Variants in ZSWIM6 observed in about 807,000 individuals in gnomAD.
ZSWIM6 encodes the protein zinc finger SWIM-type containing 6, also known as zinc finger SWIM domain-containing protein 6.
Under a neutral mutation model 113.2 loss-of-function variants are expected in ZSWIM6, and 9 were observed. The ratio of observed to expected loss-of-function variants is 0.08; its 90% CI spans 0.05 to 0.14. The LOEUF is 0.14. Ranked by LOEUF, ZSWIM6 falls within the 10% of genes least tolerant of loss-of-function variation. The probability of loss-of-function intolerance (pLI) is 1.00; values close to 1 mark genes in which losing one functional copy is unlikely to be tolerated. For missense variants in ZSWIM6, 1,162 were observed against 1,552.2 expected (o/e 0.75, Z 4.22); for synonymous variants, 611 against 606.5 (o/e 1.01, Z -0.11).
intron 1 of ZSWIM6, among the ~76,000 whole-genome samples, chr5:61,364,027 T>C (rs1211661546): frequency 6.7e-6 from 1 of 149,344 alleles, no homozygotes; most frequent in Non-Finnish European, 1.5e-5. Context: ...CTTCCTTTCT[T>C]CTTTCCTTTT....
chr5:61,337,061 A>G (rs990716779), intron 1 of ZSWIM6, among the ~76,000 whole-genome samples: 17 of 152,138 alleles, frequency 1.1e-4, no homozygotes, highest in Non-Finnish European at 1.5e-4. Flanking sequence ...TGGGTGGATC[A>G]CCTGAGGTCA....
At chr5:61,521,713 A>G (rs1453800222) in intron 5 of ZSWIM6, among the ~76,000 whole-genome samples, 1 of 152,176 alleles carries the variant, frequency 6.6e-6, no homozygotes, top group East Asian at 1.9e-4. Context: ...ATGGCCTATT[A>G]ATGATTTATT....
intron 1 of ZSWIM6, among the ~76,000 whole-genome samples, chr5:61,405,204 A>G (rs1443585649): frequency 6.6e-6 from 1 of 152,178 alleles, no homozygotes; most frequent in African/African-American, 2.4e-5. Context: ...TGTTGATAGA[A>G]AGCTATGTTT....
chr5:61,391,942 T>C lies in ZSWIM6; in HGVS notation c.676+58994T>C, dbSNP rs1287892614. ...AACTTTTTGAGCCAGGGATCCTCTT[T>C]GCCATCCAGTGGGCTTGTACGGGTC... On this transcript the variant is annotated intron_variant, in intron 1 of 13. Transcript: ENST00000252744. 3 of 538,602 alleles carry C rather than the reference T, an allele frequency of 5.6e-6. No individual in the cohort carries two copies. In the Admixed American group the frequency reaches 1.0e-4, roughly 18 times the overall value. The allele number at this position is 538,602 out of a possible 1,614,324, so 33.4% of individuals were successfully genotyped here. A position where few individuals can be genotyped will look rare whatever the true frequency, so the allele number is the denominator to read the frequency against.
At chr5:61,501,771 C>T (rs1445909128) in intron 4 of ZSWIM6, among the ~76,000 whole-genome samples, 5 of 152,118 alleles carry the variant, frequency 3.3e-5, no homozygotes, top group African/African-American at 9.7e-5. Flanking sequence ...CAGTTACTTT[C>T]TTTTATGTCA....
chr5:61,429,023 T>TA (rs1188697704), intron 1 of ZSWIM6, among the ~76,000 whole-genome samples: 2 of 152,254 alleles, frequency 1.3e-5, no homozygotes, highest in East Asian at 1.9e-4. Flanking sequence ...GAGAAAAACT[T>TA]ACATTTCTTG....
intron 1 of ZSWIM6, chr5:61,390,527 G>A (rs982539630): frequency 2.2e-6 from 1 of 449,018 alleles, no homozygotes; most frequent in Non-Finnish European, 4.1e-6. Flanking sequence ...CCTTGAATTT[G>A]CCCCTTGCTC....
intron 1 of ZSWIM6, chr5:61,390,927 C>T: frequency 2.4e-6 from 2 of 823,244 alleles, no homozygotes; most frequent in Admixed American, 1.7e-5. Context: ...GACAAAGGCC[C>T]CCAGAGGGTG....
At chr5:61,395,546 T>C (rs1715253150) in intron 1 of ZSWIM6, among the ~76,000 whole-genome samples, 1 of 152,348 alleles carries the variant, frequency 6.6e-6, no homozygotes, top group Non-Finnish European at 1.5e-5. Context: ...AGCACAGGGC[T>C]ATACACATGA....
intron 1 of ZSWIM6, among the ~76,000 whole-genome samples, chr5:61,394,380 CT>C (rs1284442582): frequency 6.6e-6 from 1 of 152,224 alleles, no homozygotes; most frequent in East Asian, 1.9e-4. Flanking sequence ...CAGCCAAGTC[CT>C]GACTGCTTGC....
intron 9 of ZSWIM6, among the ~76,000 whole-genome samples, chr5:61,533,864 A>G (rs1229961597): frequency 6.6e-6 from 1 of 152,210 alleles, no homozygotes; most frequent in African/African-American, 2.4e-5. Flanking sequence ...GAAGTTTAGA[A>G]TCATGGTGCC....
At chr5:61,514,887 T>A (rs1748888862) in intron 4 of ZSWIM6, among the ~76,000 whole-genome samples, 1 of 152,174 alleles carries the variant, frequency 6.6e-6, no homozygotes, top group South Asian at 2.1e-4. Context: ...GCTGGCCTCA[T>A]ACAGTGGGAA....
chr5:61,542,576 A>T (rs982746290), intron 13 of ZSWIM6, among the ~76,000 whole-genome samples: 1 of 152,236 alleles, frequency 6.6e-6, no homozygotes, highest in Non-Finnish European at 1.5e-5. Context: ...AAAGGGATAC[A>T]TACTTCATGC....
At chr5:61,465,419 C>CTT (rs35241021) in intron 1 of ZSWIM6, among the ~76,000 whole-genome samples, 9 of 137,088 alleles carry the variant, frequency 6.6e-5, no homozygotes, top group Non-Finnish European at 9.5e-5. Context: ...AGTGATATGA[C>CTT]TTTTTTTTTT....
intron 1 of ZSWIM6, among the ~76,000 whole-genome samples, chr5:61,406,119 AACACACAGGT>A (rs1746038719): frequency 6.6e-6 from 1 of 152,136 alleles, no homozygotes; most frequent in Non-Finnish European, 1.5e-5. Context: ...CTTCTCCATT[AACACACAGGT>A]ACTTTGAACT....
chr5:61,341,212 G>A (rs558729514), intron 1 of ZSWIM6, among the ~76,000 whole-genome samples: 6 of 141,950 alleles, frequency 4.2e-5, no homozygotes, highest in African/African-American at 1.6e-4. Flanking sequence ...CTGAATGAGT[G>A]TGGGTGTGTG....
At chr5:61,334,465 C>G (rs1385686520) in intron 1 of ZSWIM6, among the ~76,000 whole-genome samples, 1 of 152,174 alleles carries the variant, frequency 6.6e-6, no homozygotes, top group Non-Finnish European at 1.5e-5. Flanking sequence ...TTAACTTAAT[C>G]CTTTTTCTCT....
At chr5:61,441,707 C>G (rs1355543206) in intron 1 of ZSWIM6, among the ~76,000 whole-genome samples, 1 of 152,154 alleles carries the variant, frequency 6.6e-6, no homozygotes, top group Non-Finnish European at 1.5e-5. Flanking sequence ...AGTTAAGACT[C>G]AATTTCTATA....
chr5:61,377,768 G>A (rs868183781), intron 1 of ZSWIM6, among the ~76,000 whole-genome samples: 26 of 149,966 alleles, frequency 1.7e-4, no homozygotes, highest in Admixed American at 4.0e-4. Context: ...AATGTTTACA[G>A]CTCCACAAAG....
Sources: allele counts gnomAD v4.1 joint callset (sites outside exome capture counted in the v4.1 genomes callset), GRCh38; gene constraint gnomAD v4.1.1; transcripts MANE v1.5; gene names NCBI Gene and HGNC (gene_info 2026-07-23, HGNC 2026-07-21).